Variants in KHDRBS3 observed in about 807,000 individuals in gnomAD.
KHDRBS3 encodes KH RNA binding domain containing, signal transduction associated 3.
A neutral mutation model predicts 45.6 loss-of-function variants in KHDRBS3; 23 were observed. The observed-to-expected ratio is 0.50, with a 90% CI of 0.36 to 0.72. The LOEUF is 0.72. Among genes scored for constraint, KHDRBS3 ranks in the 30% least tolerant of loss-of-function variants. KHDRBS3 has a pLI of 0.00. For synonymous variants in KHDRBS3, 162 were observed against 156.5 expected (o/e 1.04, Z -0.26); for missense variants, 352 against 424.8 (o/e 0.83, Z 1.51).
At chr8:135,500,259 CTTT>C (rs879776294) in intron 1 of KHDRBS3, among the ~76,000 whole-genome samples, 4 of 143,834 alleles carry the variant, frequency 2.8e-5, no homozygotes, top group Non-Finnish European at 4.6e-5. Context: ...TAGTTTGGTT[CTTT>C]TTTTTTTTTG....
chr8:135,527,584 CT>C (rs1399741345), intron 2 of KHDRBS3, among the ~76,000 whole-genome samples: 2 of 152,240 alleles, frequency 1.3e-5, no homozygotes, highest in Non-Finnish European at 2.9e-5. Context: ...GATGAGGCTT[CT>C]CCAGGTGCTT....
intron 3 of KHDRBS3, among the ~76,000 whole-genome samples, 161 bp from the exon 4 acceptor site, chr8:135,548,593 A>C (rs1259030315): frequency 1.3e-5 from 2 of 152,210 alleles, no homozygotes; most frequent in Non-Finnish European, 2.9e-5. Context: ...GATCACATTT[A>C]TAGCTTAAAC....
chr8:135,511,537 T>TTTTG (rs1207024350), intron 1 of KHDRBS3, among the ~76,000 whole-genome samples: 2 of 150,396 alleles, frequency 1.3e-5, no homozygotes, highest in African/African-American at 2.5e-5. Flanking sequence ...TGCTCTGTTT[T>TTTTG]TTTGTTTGTT....
chr8:135,457,780 G>C lies in KHDRBS3; in HGVS notation c.-87G>C. ...CGCGTCTGGCCCCCGGGTCCCCGCC[G>C]CTGGGGGCGCGGGCGGGGTCGGGGG... On this transcript the variant is annotated 5_prime_UTR_variant, in exon 1 of 9. Coordinates refer to ENST00000355849, the MANE Select transcript of KHDRBS3 (RefSeq NM_006558.3). The surrounding 1 kb of genome is among the most constrained non-coding windows in gnomAD (Gnocchi z 4.4). 1.5e-6 allele frequency: 1 copy of C among 678,530 alleles called. No homozygotes were observed. 42.0% of individuals were successfully genotyped at this position (678,530 alleles called of 1,614,324 possible).
chr8:135,463,068 T>C (rs1221832047), intron 1 of KHDRBS3, among the ~76,000 whole-genome samples: 1 of 152,222 alleles, frequency 6.6e-6, no homozygotes, highest in Non-Finnish European at 1.5e-5. Flanking sequence ...GCCTGTTTTC[T>C]GGTGTCACAT....
intron 2 of KHDRBS3, among the ~76,000 whole-genome samples, chr8:135,522,605 G>T (rs568906446): frequency 7.4e-4 from 113 of 152,136 alleles, no homozygotes; most frequent in African/African-American, 2.5e-3. Context: ...GCTTTTGATG[G>T]TATATTGGTA....
chr8:135,485,842 T>TTTTATATATATATATA (rs908619744), intron 1 of KHDRBS3, among the ~76,000 whole-genome samples: 6 of 120,324 alleles, frequency 5.0e-5, no homozygotes, highest in African/African-American at 2.2e-4. Context: ...CATTTCAAGT[T>TTTTATATATATATATA]TATATATATA....
At chr8:135,569,389 C>G (rs1387188194) in intron 5 of KHDRBS3, among the ~76,000 whole-genome samples, 2 of 151,990 alleles carry the variant, frequency 1.3e-5, no homozygotes, top group Non-Finnish European at 2.9e-5. Context: ...AATTACTGGG[C>G]AAATTGGCAA....
At chr8:135,563,104 G>T (rs1207688140) in intron 5 of KHDRBS3, among the ~76,000 whole-genome samples, 2 of 152,024 alleles carry the variant, frequency 1.3e-5, no homozygotes, top group Non-Finnish European at 2.9e-5. Flanking sequence ...AATTAAATGT[G>T]ATCTTATATC....
chr8:135,589,587 T>C (rs915044769), intron 6 of KHDRBS3, among the ~76,000 whole-genome samples: 3 of 152,220 alleles, frequency 2.0e-5, no homozygotes, highest in African/African-American at 7.2e-5. Context: ...TATTTATAGC[T>C]TTAGATCATG....
intron 1 of KHDRBS3, among the ~76,000 whole-genome samples, chr8:135,483,095 C>T (rs1822667321): frequency 6.6e-6 from 1 of 152,068 alleles, no homozygotes; most frequent in Non-Finnish European, 1.5e-5. Context: ...TCTTTCTCCA[C>T]CCCCCAACCC....
At chr8:135,561,390 G>C (rs1292235557) in intron 5 of KHDRBS3, among the ~76,000 whole-genome samples, 2 of 152,154 alleles carry the variant, frequency 1.3e-5, no homozygotes, top group Non-Finnish European at 2.9e-5. Flanking sequence ...AATGAGGACA[G>C]TGAGACCAGG....
intron 5 of KHDRBS3, among the ~76,000 whole-genome samples, chr8:135,561,637 T>C (rs1056218020): frequency 1.3e-5 from 2 of 152,124 alleles, no homozygotes; most frequent in Non-Finnish European, 2.9e-5. Context: ...ATCACACTTT[T>C]AATACAAGAT....
chr8:135,623,219 G>T (rs958695682), intron 7 of KHDRBS3, among the ~76,000 whole-genome samples: 13 of 152,138 alleles, frequency 8.5e-5, no homozygotes, highest in Non-Finnish European at 1.6e-4. Context: ...AAGCGATAAG[G>T]ATCTGTTCTC....
rs117855467 is a variant in KHDRBS3 at position 135,566,802 on chromosome 8, G to A, written c.611+9215G>A. 5.1e-3 allele frequency among the ~76,000 whole-genome samples: 770 copies of A among 152,290 alleles called. 2 individuals carry two copies. Among genetic ancestry groups the A allele is most frequent in the Non-Finnish European group, 8.2e-3 (560 of 68,016 alleles). ...GATCGCTTGAGCCCAGGAAGCAGAC[G>A]TTGCAGTGAGCCGAGATGGTTATAA... On this transcript the variant is annotated intron_variant, in intron 5 of 8. Transcript: ENST00000355849.
chr8:135,534,666 G>A (rs928010357), intron 2 of KHDRBS3, among the ~76,000 whole-genome samples: 31 of 152,290 alleles, frequency 2.0e-4, no homozygotes, highest in African/African-American at 7.0e-4. Flanking sequence ...CAGTGGTGTA[G>A]TGTATATATT....
chr8:135,516,230 C>T (rs1002544098), intron 1 of KHDRBS3, among the ~76,000 whole-genome samples: 3 of 152,176 alleles, frequency 2.0e-5, no homozygotes, highest in South Asian at 4.1e-4. Context: ...GCATAGGACA[C>T]TTACCATGAG....
intron 2 of KHDRBS3, among the ~76,000 whole-genome samples, chr8:135,525,224 T>C (rs1825122132): frequency 1.3e-5 from 2 of 152,222 alleles, no homozygotes; most frequent in South Asian, 2.1e-4. Context: ...ACTGTGTCTA[T>C]TGGGTAAGAG....
intron 4 of KHDRBS3, among the ~76,000 whole-genome samples, chr8:135,552,607 G>A (rs772696332): frequency 3.9e-5 from 6 of 151,960 alleles, no homozygotes; most frequent in South Asian, 4.1e-4. Context: ...GTAATCTGAT[G>A]TATTTTCTTC....
Sources: gnomAD v4.1 joint callset for allele counts (sites outside exome capture counted in the v4.1 genomes callset) on GRCh38, gnomAD v4.1.1 for gene constraint, Gnocchi (gnomAD v3.1) non-coding constraint, MANE v1.5 for transcripts, NCBI Gene and HGNC (gene_info 2026-07-23, HGNC 2026-07-21) for gene names.